TENM3: variants seen among roughly 807,000 people sequenced by gnomAD.
TENM3 encodes teneurin-3.
Under a neutral mutation model 255.1 loss-of-function variants are expected in TENM3, and 63 were observed. That is an observed-to-expected ratio of 0.25 (90% CI 0.20 to 0.30). The LOEUF (loss-of-function observed/expected upper bound fraction) is 0.30, where lower values mean the gene tolerates loss of function less well. Ranked by LOEUF, TENM3 falls within the 10% of genes least tolerant of loss-of-function variation. The pLI is 1.00. For missense variants in TENM3, 2,929 were observed against 3,461.1 expected (o/e 0.85, Z 3.86); for synonymous variants, 1,306 against 1,322.3 (o/e 0.99, Z 0.27).
the TENM3 span, among the ~76,000 whole-genome samples, chr4:181,778,478 T>TA: frequency 5.9e-5 from 9 of 152,124 alleles, no homozygotes; most frequent in Admixed American, 2.6e-4. Flanking sequence ...TTTATCTAAT[T>TA]AAAAATGAAA....
At chr4:182,350,669 C>G (rs1333297984) in intron 3 of TENM3, among the ~76,000 whole-genome samples, 1 of 152,086 alleles carries the variant, frequency 6.6e-6, no homozygotes, top group Admixed American at 6.5e-5. Context: ...TCTCCTGTCT[C>G]CAATGTGGTT....
the TENM3 span, among the ~76,000 whole-genome samples, chr4:182,119,809 C>G: frequency 6.6e-6 from 1 of 152,082 alleles, no homozygotes. Context: ...TGGGCTCAAG[C>G]TCCCACCTCA....
chr4:181,677,180 C>T, the TENM3 span, among the ~76,000 whole-genome samples: 1 of 151,996 alleles, frequency 6.6e-6, no homozygotes, highest in African/African-American at 2.4e-5. Flanking sequence ...ACCTAATGCC[C>T]ATGATTCACA....
rs1197800215 is a variant in TENM3, at chr4:182,799,531, G to A, written c.7345-65G>A. The A allele has an allele frequency of 2.7e-6, 4 of 1,504,876 alleles. No individual in the cohort carries two copies. Among genetic ancestry groups the A allele is most frequent in the South Asian group, 1.3e-5 (1 of 79,946 alleles). The allele number at this position is 1,504,876 out of a possible 1,614,324, so 93.2% of individuals were successfully genotyped here. ...CGGCGCTGCCCCCAGAGTCCCGTGT[G>A]TGGGTCAGGAGTGGGGAGGCTCCCG... On this transcript the variant is annotated intron_variant, in intron 27 of 27. Coordinates refer to ENST00000511685, the MANE Select transcript of TENM3 (RefSeq NM_001080477.4). The surrounding 1 kb of genome is among the most constrained non-coding windows in gnomAD (Gnocchi z 4.2).
chr4:181,968,986 C>A, the TENM3 span, among the ~76,000 whole-genome samples: 91 of 123,944 alleles, frequency 7.3e-4, 1 homozygote, highest in African/African-American at 1.3e-3. Context: ...CTCTCTCTCT[C>A]TCTCTCTATA....
the TENM3 span, among the ~76,000 whole-genome samples, chr4:181,656,792 C>G: frequency 6.6e-6 from 1 of 152,158 alleles, no homozygotes; most frequent in Non-Finnish European, 1.5e-5. Context: ...ACAGAAACAT[C>G]TCAAGGAAGC....
chr4:182,205,809 T>A (rs1357675289), intron 1 of TENM3, among the ~76,000 whole-genome samples: 1 of 152,240 alleles, frequency 6.6e-6, no homozygotes, highest in Non-Finnish European at 1.5e-5. Flanking sequence ...GGAGTACATG[T>A]GGATGCTCCC....
chr4:181,666,132 A>T, the TENM3 span, among the ~76,000 whole-genome samples: 1 of 152,140 alleles, frequency 6.6e-6, no homozygotes, highest in Non-Finnish European at 1.5e-5. Flanking sequence ...TTTCCTTCAC[A>T]TGAGAAAATA....
At chr4:181,717,100 C>T in the TENM3 span, among the ~76,000 whole-genome samples, 4 of 152,146 alleles carry the variant, frequency 2.6e-5, no homozygotes, top group African/African-American at 7.2e-5. Context: ...GGATTTGAAT[C>T]TAGAAGTTGC....
chr4:182,441,857 G>A (rs1772516037), intron 3 of TENM3, among the ~76,000 whole-genome samples: 1 of 152,132 alleles, frequency 6.6e-6, no homozygotes, highest in Non-Finnish European at 1.5e-5. Flanking sequence ...TCTCTTTTGT[G>A]CAAGACACTA....
chr4:181,502,915 C>T, the TENM3 span, among the ~76,000 whole-genome samples: 1 of 152,120 alleles, frequency 6.6e-6, no homozygotes, highest in African/African-American at 2.4e-5. Context: ...AGTTTTTTGG[C>T]ATTCGTCATA....
the TENM3 span, among the ~76,000 whole-genome samples, chr4:181,981,245 A>C: frequency 6.6e-6 from 1 of 151,998 alleles, no homozygotes. Flanking sequence ...ATTTACTCCC[A>C]ATTTCTTCAT....
intron 2 of TENM3, among the ~76,000 whole-genome samples, chr4:182,326,715 A>AT (rs33970449): frequency 0.29 from 43,919 of 151,100 alleles, 6,522 homozygotes; most frequent in East Asian, 0.35. Context: ...TTTTAAAGAC[A>AT]TTTTTTTTAA....
chr4:182,405,341 C>T (rs950370293), intron 3 of TENM3, among the ~76,000 whole-genome samples: 6 of 152,188 alleles, frequency 3.9e-5, no homozygotes, highest in Admixed American at 6.5e-5. Context: ...CAAGGGCTAA[C>T]GTGATCCTTA....
chr4:182,395,502 G>A lies in TENM3; in HGVS notation c.511+48573G>A, dbSNP rs565438702. Among the ~76,000 whole-genome samples the A allele has an allele frequency of 2.6e-5, 4 of 152,254 alleles. No individual in the cohort carries two copies. The South Asian group carries it at 8.3e-4, about 32-fold the overall frequency. On this transcript the variant is annotated intron_variant, in intron 3 of 27. Coordinates refer to ENST00000511685, the MANE Select transcript of TENM3 (RefSeq NM_001080477.4). The stretch of plus-strand genomic sequence containing the variant: ...TGTCTTATAAGTCTAATTAGCCCAA[G>A]AATATTCAATGCTGAGATATTATGT...
the TENM3 span, among the ~76,000 whole-genome samples, chr4:182,013,506 T>C: frequency 6.6e-6 from 1 of 152,218 alleles, no homozygotes; most frequent in Non-Finnish European, 1.5e-5. Flanking sequence ...CAAAATGTTT[T>C]TCTTTCCTAC....
At chr4:182,659,587 G>A (rs1028559114) in intron 6 of TENM3, among the ~76,000 whole-genome samples, 2 of 152,114 alleles carry the variant, frequency 1.3e-5, no homozygotes, top group African/African-American at 4.8e-5. Flanking sequence ...AGGAGGCCCG[G>A]TGACTGCTTC....
chr4:181,471,706 A>G, the TENM3 span, among the ~76,000 whole-genome samples: 1 of 152,170 alleles, frequency 6.6e-6, no homozygotes, highest in Non-Finnish European at 1.5e-5. Flanking sequence ...TATAGGAGAG[A>G]AAAATAGTAT....
At chr4:182,489,245 C>G (rs1429606875) in intron 3 of TENM3, among the ~76,000 whole-genome samples, 1 of 142,290 alleles carries the variant, frequency 7.0e-6, no homozygotes, top group African/African-American at 2.4e-5. Flanking sequence ...ATAATGTGCT[C>G]TAATAAAGGG....
Sources: gnomAD v4.1 joint callset for allele counts (sites outside exome capture counted in the v4.1 genomes callset) on GRCh38, gnomAD v4.1.1 for gene constraint, Gnocchi (gnomAD v3.1) non-coding constraint, MANE v1.5 for transcripts, NCBI Gene and HGNC (gene_info 2026-07-23, HGNC 2026-07-21) for gene names.